Variants in RALGAPB observed in about 807,000 individuals in gnomAD.
The protein encoded by RALGAPB is ral GTPase-activating protein subunit beta.
RALGAPB carries 25 observed loss-of-function variants against 161.1 expected under a neutral mutation model. The ratio of observed to expected loss-of-function variants is 0.16; its 90% CI spans 0.11 to 0.22. The LOEUF (loss-of-function observed/expected upper bound fraction) is 0.22. Ranked by LOEUF, RALGAPB falls within the 10% of genes least tolerant of loss-of-function variation. The pLI, the probability that RALGAPB is intolerant of heterozygous loss-of-function variation, is 1.00. For synonymous variants in RALGAPB, 629 were observed against 626.1 expected (o/e 1.00, Z -0.07); for missense variants, 1,391 against 1,815.2 (o/e 0.77, Z 4.25).
At chr20:38,508,456 G>C (rs1001770351) in intron 5 of RALGAPB, among the ~76,000 whole-genome samples, 1 of 152,116 alleles carries the variant, frequency 6.6e-6, no homozygotes, top group Non-Finnish European at 1.5e-5. Context: ...AGAGCACATG[G>C]ATGGGCCTGG....
At chr20:38,487,455 C>A (rs939901430) in intron 1 of RALGAPB, among the ~76,000 whole-genome samples, 6 of 151,900 alleles carry the variant, frequency 3.9e-5, no homozygotes, top group Non-Finnish European at 7.4e-5. Flanking sequence ...TATGGGTTGG[C>A]ATGGGAATAG....
At chr20:38,532,950 C>T (rs2086701016) in intron 15 of RALGAPB, 91 bp downstream of exon 15, 1 of 1,367,998 alleles carries the variant, frequency 7.3e-7, no homozygotes, top group Non-Finnish European at 1.0e-6. Flanking sequence ...TGTTAATGTT[C>T]ATGTTTTTTA....
intron 18 of RALGAPB, 95 bp from the exon 19 acceptor site, chr20:38,546,148 A>G: frequency 6.3e-7 from 1 of 1,575,598 alleles, no homozygotes; most frequent in Non-Finnish European, 8.6e-7. Context: ...GTGGTCAATT[A>G]AAATTCAGAA....
intron 14 of RALGAPB, among the ~76,000 whole-genome samples, chr20:38,532,134 C>T (rs2086671903): frequency 6.6e-6 from 1 of 152,204 alleles, no homozygotes; most frequent in Non-Finnish European, 1.5e-5. Flanking sequence ...CTGCTCGCTG[C>T]AAACTCCGCC....
intron 18 of RALGAPB, among the ~76,000 whole-genome samples, chr20:38,543,290 G>C (rs899128607): frequency 5.3e-5 from 8 of 152,170 alleles, no homozygotes; most frequent in African/African-American, 1.9e-4. Context: ...AACTTTGGCT[G>C]TTTCTCTGAT....
At chr20:38,478,296 G>T (rs1397970807) in intron 1 of RALGAPB, among the ~76,000 whole-genome samples, 1 of 152,200 alleles carries the variant, frequency 6.6e-6, no homozygotes, top group Non-Finnish European at 1.5e-5. Context: ...TTACCTAGTG[G>T]TTAGTGACGT....
intron 3 of RALGAPB, among the ~76,000 whole-genome samples, chr20:38,496,751 G>C (rs932739582): frequency 6.6e-6 from 1 of 152,186 alleles, no homozygotes; most frequent in African/African-American, 2.4e-5. Context: ...CTTTGGCTAA[G>C]TGTCTTTTTC....
intron 9 of RALGAPB, among the ~76,000 whole-genome samples, chr20:38,519,423 C>A (rs1198835314): frequency 6.6e-6 from 1 of 151,902 alleles, no homozygotes; most frequent in Non-Finnish European, 1.5e-5. Flanking sequence ...GTAATTCTTA[C>A]AATGTAACTT....
At chr20:38,479,602 A>G (rs1204585901) in intron 1 of RALGAPB, among the ~76,000 whole-genome samples, 2 of 152,220 alleles carry the variant, frequency 1.3e-5, no homozygotes, top group African/African-American at 2.4e-5. Flanking sequence ...GAAGGAAATT[A>G]AGGGATCTGC....
At chr20:38,523,872 G>A (rs2086373370) in intron 10 of RALGAPB, among the ~76,000 whole-genome samples, 1 of 152,180 alleles carries the variant, frequency 6.6e-6, no homozygotes, top group African/African-American at 2.4e-5. Flanking sequence ...GGAGTAGTTA[G>A]AGGGCTGAAT....
intron 13 of RALGAPB, among the ~76,000 whole-genome samples, chr20:38,529,448 C>G (rs1344580315): frequency 6.6e-6 from 1 of 150,744 alleles, no homozygotes; most frequent in East Asian, 1.9e-4. Context: ...ACACGGGAGG[C>G]GGAGGTTGCA....
Position 38,517,604 on chromosome 20 carries a change from C to G in RALGAPB, c.1150C>G (p.Arg384Gly). Residue 384 changes from arginine (R) to glycine (G), a missense_variant, in exon 8 of 30, where the codon CGG becomes GGG. Transcript: ENST00000262879. The stretch of plus-strand genomic sequence containing the variant: ...TGTCAGTACCACCCCCCCACATAAC[C>G]GGAGGCACCGGGCTGTTACTGTGAA... The part of the protein sequence containing the change: ...AAVSTTPPHN[R>G]RHRAVTVNKA... The G allele has an allele frequency of 6.2e-7, 1 of 1,613,924 alleles. No individual in the cohort carries two copies. The highest frequency in any genetic ancestry group is 8.5e-7 in the Non-Finnish European group (1 of 1,179,962).
At position 38,483,295 on chromosome 20, in the gene RALGAPB, A is replaced by G. The variant is rs1033769531; in HGVS notation, c.-30-5108A>G. On this transcript the variant is annotated intron_variant, in intron 1 of 29. Transcript: ENST00000262879. ...GCAGGTAGAGCTGGGATTTGAATCT[A>G]TGAAGCCTAGTTCCAGAGCACTGGC... is the stretch of plus-strand genomic sequence containing the variant. 2.6e-5 allele frequency among the ~76,000 whole-genome samples: 4 copies of G among 152,358 alleles called. No individual in the cohort carries two copies. The South Asian group carries it at 6.2e-4, about 24-fold the overall frequency.
In RALGAPB at chr20:38,576,483, A is replaced by G. The variant is rs2088442479; in HGVS notation, c.*1516A>G. On this transcript the variant is annotated 3_prime_UTR_variant, in exon 30 of 30. Coordinates refer to ENST00000262879, the MANE Select transcript of RALGAPB (RefSeq NM_020336.4). Reference sequence around the variant, plus strand: ...ATCTATAAGCAAGAAATATGGGCATAGCAGCTCTTGGTTTAAAGTTTGCCA... The same window carrying G: ...ATCTATAAGCAAGAAATATGGGCATGGCAGCTCTTGGTTTAAAGTTTGCCA... The G allele has an allele frequency of 6.6e-6, 1 of 152,292 alleles. No homozygotes were observed. The highest frequency in any genetic ancestry group is 2.1e-4 in the South Asian group (1 of 4,828). 9.4% of individuals were successfully genotyped at this position (152,292 alleles called of 1,614,324 possible). A position where few individuals can be genotyped will look rare whatever the true frequency, so the allele number is the denominator to read the frequency against.
intron 17 of RALGAPB, 86 bp from the exon 18 acceptor site, chr20:38,540,955 A>C: frequency 6.9e-7 from 1 of 1,452,220 alleles, no homozygotes. Flanking sequence ...ACCAAAACGC[A>C]ACCACTGTTA....
intron 26 of RALGAPB, chr20:38,569,146 G>C (rs1051808056): frequency 6.6e-6 from 1 of 152,164 alleles, no homozygotes; most frequent in African/African-American, 2.4e-5. Flanking sequence ...GTATATTTCT[G>C]TGCTAATAAA....
chr20:38,564,280 T>C (rs994761657), intron 24 of RALGAPB, among the ~76,000 whole-genome samples: 2 of 152,212 alleles, frequency 1.3e-5, no homozygotes, highest in African/African-American at 4.8e-5. Flanking sequence ...GATTATACAT[T>C]GTCTATGACA....
At chr20:38,514,325 C>G (rs930225831) in intron 6 of RALGAPB, among the ~76,000 whole-genome samples, 3 of 152,330 alleles carry the variant, frequency 2.0e-5, no homozygotes, top group South Asian at 2.1e-4. Flanking sequence ...GGGGGACATG[C>G]AGTCTCTTGA....
chr20:38,518,496 ATAT>A (rs1000557150), intron 9 of RALGAPB, among the ~76,000 whole-genome samples: 67 of 152,296 alleles, frequency 4.4e-4, no homozygotes, highest in African/African-American at 1.6e-3. Flanking sequence ...ACTTTCAAAA[ATAT>A]TATTTGCTTT....
Sources: gnomAD v4.1 joint callset for allele counts (sites outside exome capture counted in the v4.1 genomes callset) on GRCh38, gnomAD v4.1.1 for gene constraint, MANE v1.5 for transcripts, NCBI Gene and HGNC (gene_info 2026-07-23, HGNC 2026-07-21) for gene names.